The following OXCT1 variants were observed in gnomAD, a reference collection of about 807,000 sequenced individuals.
The protein encoded by OXCT1 is 3-oxoacid CoA-transferase 1.
In OXCT1, 27 loss-of-function variants were observed where a neutral mutation model predicts 69.6. That is an observed-to-expected ratio of 0.39 (90% CI 0.29 to 0.54). The LOEUF is 0.54. Among genes scored for constraint, OXCT1 ranks in the 20% least tolerant of loss-of-function variants. The pLI is 0.72. For missense variants in OXCT1, 437 were observed against 650.2 expected, an observed-to-expected ratio of 0.67 and a Z score of 3.57; for synonymous variants, 202 against 217.8, an observed-to-expected ratio of 0.93 and a Z score of 0.64.
intron 13 of OXCT1, among the ~76,000 whole-genome samples, chr5:41,781,748 T>C (rs891737120): frequency 1.3e-5 from 2 of 152,196 alleles, no homozygotes; most frequent in Non-Finnish European, 2.9e-5. Context: ...GGATAATGGC[T>C]TCTGACTCAA....
chr5:41,760,983 A>G (rs1386534461), intron 14 of OXCT1, among the ~76,000 whole-genome samples: 1 of 152,126 alleles, frequency 6.6e-6, no homozygotes, highest in African/African-American at 2.4e-5. Context: ...CTGCATCACT[A>G]AACAAAAAGA....
intron 13 of OXCT1, among the ~76,000 whole-genome samples, chr5:41,792,400 C>A (rs770788600): frequency 6.6e-6 from 1 of 152,162 alleles, no homozygotes; most frequent in Non-Finnish European, 1.5e-5. Context: ...CTCAAACCCT[C>A]ACTTTATAGA....
chr5:41,845,059 C>T (rs1384196711), intron 5 of OXCT1, among the ~76,000 whole-genome samples: 1 of 152,156 alleles, frequency 6.6e-6, no homozygotes, highest in Non-Finnish European at 1.5e-5. Flanking sequence ...CACTGCGTTC[C>T]GTAAAATTCA....
chr5:41,865,613 T>G (rs1380812150), intron 1 of OXCT1, among the ~76,000 whole-genome samples: 1 of 152,310 alleles, frequency 6.6e-6, no homozygotes, highest in East Asian at 1.9e-4. Flanking sequence ...GGAGATAGTG[T>G]GCCATAATAG....
At chr5:41,856,275 A>G (rs1749425719) in intron 3 of OXCT1, among the ~76,000 whole-genome samples, 1 of 152,200 alleles carries the variant, frequency 6.6e-6, no homozygotes, top group South Asian at 2.1e-4. Context: ...GAAATAATTC[A>G]TAAGACTTGT....
At chr5:41,787,231 G>T (rs190598100) in intron 13 of OXCT1, among the ~76,000 whole-genome samples, 2 of 152,136 alleles carry the variant, frequency 1.3e-5, no homozygotes, top group Non-Finnish European at 2.9e-5. Flanking sequence ...AATACACAAT[G>T]ACATAAATTC....
chr5:41,858,538 T>C (rs1448540890), intron 3 of OXCT1, among the ~76,000 whole-genome samples: 3 of 152,184 alleles, frequency 2.0e-5, no homozygotes, highest in Non-Finnish European at 2.9e-5. Context: ...TCCTGCATCA[T>C]AACAAACCTG....
At chr5:41,859,479 T>C (rs529032542) in intron 3 of OXCT1, among the ~76,000 whole-genome samples, 2 of 152,230 alleles carry the variant, frequency 1.3e-5, no homozygotes, top group African/African-American at 4.8e-5. Flanking sequence ...CAGAAATACA[T>C]TCCCATTGAC....
At position 41,870,240 on chromosome 5, in the gene OXCT1, G is replaced by T; in HGVS notation, c.78+41C>A. On this transcript the variant is annotated intron_variant, in intron 1 of 16. Transcript: ENST00000196371. The surrounding 1 kb of genome is among the most constrained non-coding windows in gnomAD (Gnocchi z 4.2). Reference sequence around the variant, plus strand: ...GGGCACCACTCAGGGTTTGGTCCACGTTCTTCCTGCCCATGGCCTTCCTCT... The same window carrying T: ...GGGCACCACTCAGGGTTTGGTCCACTTTCTTCCTGCCCATGGCCTTCCTCT... The T allele has an allele frequency of 2.0e-6, 3 of 1,515,886 alleles. No homozygotes were observed. Among genetic ancestry groups the T allele is most frequent in the Non-Finnish European group, 1.8e-6 (2 of 1,090,866 alleles). 93.9% of individuals were successfully genotyped at this position (1,515,886 alleles called of 1,614,324 possible).
chr5:41,869,979 C>A, intron 1 of OXCT1: 1 of 439,052 alleles, frequency 2.3e-6, no homozygotes. Context: ...AGCCGACGAG[C>A]GCCAAAGGGC....
In OXCT1 at chr5:41,748,717, C is replaced by T. The variant is rs560613504; in HGVS notation, c.1419+810G>A. 2.0e-5 allele frequency among the ~76,000 whole-genome samples: 3 copies of T among 152,038 alleles called. No individual in the cohort carries two copies. The South Asian group carries it at 6.2e-4, about 32-fold the overall frequency. ...TGCTTTAGGGTGCTCACTGTCACAC[C>T]TCAGTGAGGTTAGCGAGTCAGATTA... On this transcript the variant is annotated intron_variant, in intron 15 of 16. Coordinates refer to ENST00000196371, the MANE Select transcript of OXCT1 (RefSeq NM_000436.4).
rs939955938 is a variant in OXCT1, at chr5:41,814,523, C to T, written c.733-7085G>A. On this transcript the variant is annotated intron_variant, in intron 7 of 16. Coordinates refer to ENST00000196371, the MANE Select transcript of OXCT1 (RefSeq NM_000436.4). The stretch of plus-strand genomic sequence containing the variant: ...GGATTAAGAAAATGTAGCACATATA[C>T]ACCATGGAATACTATGCAGCCATAA... 2.0e-5 allele frequency among the ~76,000 whole-genome samples: 3 copies of T among 151,982 alleles called. No individual in the cohort carries two copies. In the South Asian group the frequency reaches 6.2e-4, roughly 32 times the overall value.
At chr5:41,812,683 A>G (rs2112299752) in intron 7 of OXCT1, among the ~76,000 whole-genome samples, 1 of 152,140 alleles carries the variant, frequency 6.6e-6, no homozygotes, top group South Asian at 2.1e-4. Flanking sequence ...TGGGCAGAAG[A>G]CAGGAAAAAA....
At chr5:41,802,360 T>C (rs1003002737) in intron 10 of OXCT1, among the ~76,000 whole-genome samples, 1 of 152,124 alleles carries the variant, frequency 6.6e-6, no homozygotes, top group Non-Finnish European at 1.5e-5. Flanking sequence ...CCTGCCATTG[T>C]TAATTAAATT....
rs190346361 is a variant in OXCT1 at position 41,862,719 on chromosome 5, T to A, written c.110A>T (p.His37Leu). ...GCVCSFSTSA[H>L]RHTKFYTDPV... ...ATCTGTATAAAACTTGGTATGGCGA[T>A]GAGCACTGGTGGAAAAGGAACAAAC... The change falls in exon 2 of 17, where the codon CAT becomes CTT. Residue 37 changes from histidine to leucine, a missense_variant. By Grantham distance (99) the His-to-Leu change is moderately conservative (BLOSUM62 -3). Transcript: ENST00000196371. 3 of 1,612,036 alleles carry A rather than the reference T, an allele frequency of 1.9e-6. No homozygotes were observed. The highest frequency in any genetic ancestry group is 2.7e-5 in the African/African-American group (2 of 74,792).
intron 14 of OXCT1, among the ~76,000 whole-genome samples, chr5:41,753,330 C>G (rs1057492724): frequency 6.6e-6 from 1 of 151,152 alleles, no homozygotes; most frequent in Non-Finnish European, 1.5e-5. Context: ...CACACACACA[C>G]ACAGACACAC....
chr5:41,790,439 A>G (rs1415108614), intron 13 of OXCT1, among the ~76,000 whole-genome samples: 3 of 152,330 alleles, frequency 2.0e-5, no homozygotes. Context: ...CCTCCTTTGG[A>G]TGCTCAGGGT....
intron 7 of OXCT1, among the ~76,000 whole-genome samples, chr5:41,807,752 C>T (rs1347621446): frequency 6.6e-6 from 1 of 152,142 alleles, no homozygotes; most frequent in Non-Finnish European, 1.5e-5. Context: ...GCAGCTTGAA[C>T]TTTCACAAAT....
At chr5:41,743,462 G>T (rs1157089412) in intron 15 of OXCT1, among the ~76,000 whole-genome samples, 1 of 152,230 alleles carries the variant, frequency 6.6e-6, no homozygotes, top group African/African-American at 2.4e-5. Flanking sequence ...TTCTTTTGCT[G>T]TGCAGAAACT....
Sources: gnomAD v4.1 joint callset for allele counts (sites outside exome capture counted in the v4.1 genomes callset) on GRCh38, gnomAD v4.1.1 for gene constraint, Gnocchi (gnomAD v3.1) non-coding constraint, MANE v1.5 for transcripts, NCBI Gene and HGNC (gene_info 2026-07-23, HGNC 2026-07-21) for gene names.